The following UBN2 variants were observed in gnomAD, a reference collection of about 807,000 sequenced individuals.
UBN2 encodes the protein ubinuclein 2.
UBN2 carries 35 observed loss-of-function variants against 120.2 expected under a neutral mutation model. The observed-to-expected ratio is 0.29, with a 90% confidence interval of 0.22 to 0.39. UBN2 has a LOEUF of 0.39. Ranked by LOEUF, UBN2 falls within the 10% of genes least tolerant of loss-of-function variation. The pLI, the probability that UBN2 is intolerant of heterozygous loss-of-function variation, is 1.00. For synonymous variants in UBN2, 661 were observed against 648.7 expected, an observed-to-expected ratio of 1.02 and a Z score of -0.29; for missense variants, 1,693 against 1,663.2, an observed-to-expected ratio of 1.02 and a Z score of -0.31.
chr7:139,257,063 G>C (rs1209184720), intron 3 of UBN2, among the ~76,000 whole-genome samples: 1 of 152,150 alleles, frequency 6.6e-6, no homozygotes. Context: ...GAAGAACCTC[G>C]GAAGTAGAGG....
chr7:139,282,489 G>A (rs76912750), intron 14 of UBN2, among the ~76,000 whole-genome samples: 7,287 of 152,174 alleles, frequency 0.048, 307 homozygotes, highest in African/African-American at 0.11. Context: ...ATTTATTTAT[G>A]CTTGGATTGA....
At chr7:139,314,535 G>A in the UBN2 span, among the ~76,000 whole-genome samples, 2 of 152,098 alleles carry the variant, frequency 1.3e-5, no homozygotes, top group South Asian at 2.1e-4. Flanking sequence ...GCCCAGGCTG[G>A]ACTGCTATGG....
chr7:139,259,407 A>G (rs1479191365), intron 5 of UBN2, 37 bp downstream of exon 5: 1 of 1,608,122 alleles, frequency 6.2e-7, no homozygotes, highest in African/African-American at 1.3e-5. Flanking sequence ...AACTGGCGTC[A>G]CAGTCTGACT....
At chr7:139,275,499 C>T (rs1367888798) in intron 11 of UBN2, among the ~76,000 whole-genome samples, 5 of 151,370 alleles carry the variant, frequency 3.3e-5, no homozygotes, top group East Asian at 1.9e-4. Flanking sequence ...AGGAGAATGG[C>T]GTGAACCTGG....
At chr7:139,281,402 A>G (rs763741052) in intron 13 of UBN2, among the ~76,000 whole-genome samples, 12 of 152,322 alleles carry the variant, frequency 7.9e-5, no homozygotes, top group South Asian at 4.1e-4. Context: ...AAAAGTATCT[A>G]TAAATTTCTC....
intron 14 of UBN2, 33 bp from the exon 15 acceptor site, chr7:139,282,991 T>A: frequency 2.1e-6 from 3 of 1,435,446 alleles, no homozygotes; most frequent in Non-Finnish European, 2.8e-6. Context: ...TATTCACCAT[T>A]TCTATTTTTT....
chr7:139,315,197 G>C, the UBN2 span: 12 of 151,066 alleles, frequency 7.9e-5, no homozygotes, highest in African/African-American at 2.7e-4. Flanking sequence ...GGATGGTCTC[G>C]ATCTCCTGAC....
intron 2 of UBN2, among the ~76,000 whole-genome samples, chr7:139,240,082 CT>C (rs1435094725): frequency 6.6e-6 from 1 of 152,126 alleles, no homozygotes; most frequent in African/African-American, 2.4e-5. Flanking sequence ...TTTCAATTGA[CT>C]TAGATATATT....
chr7:139,234,866 C>G (rs753932913), intron 1 of UBN2, among the ~76,000 whole-genome samples: 1 of 152,008 alleles, frequency 6.6e-6, no homozygotes, highest in African/African-American at 2.4e-5. Flanking sequence ...TGTGAAAGAC[C>G]TCCTGAAAAT....
At chr7:139,329,351 G>C in the UBN2 span, among the ~76,000 whole-genome samples, 2 of 151,832 alleles carry the variant, frequency 1.3e-5, no homozygotes, top group African/African-American at 4.9e-5. Context: ...TTGCTTATCT[G>C]CTGAGACAGC....
chr7:139,239,390 G>A (rs566557787), intron 2 of UBN2, among the ~76,000 whole-genome samples: 2 of 152,002 alleles, frequency 1.3e-5, no homozygotes, highest in East Asian at 3.9e-4. Context: ...TAGTGCTGCA[G>A]TAAATTAGTC....
intron 12 of UBN2, chr7:139,276,386 G>A (rs1797443291): frequency 4.1e-6 from 2 of 488,144 alleles, no homozygotes; most frequent in Admixed American, 7.2e-5. Context: ...AGGGAAGCAT[G>A]AAGGCTCAGG....
chr7:139,268,302 T>C (rs931326750), intron 7 of UBN2, among the ~76,000 whole-genome samples: 3 of 152,158 alleles, frequency 2.0e-5, no homozygotes, highest in East Asian at 3.8e-4. Context: ...ATTTTTTTTT[T>C]CCCTTTTAGT....
At chr7:139,291,287 G>T (rs1797948150) in intron 15 of UBN2, among the ~76,000 whole-genome samples, 1 of 150,786 alleles carries the variant, frequency 6.6e-6, no homozygotes, top group Admixed American at 6.6e-5. Flanking sequence ...CTTGAACCCA[G>T]GAGGTGGAGG....
chr7:139,297,063 G>A (rs1042674233), intron 17 of UBN2, among the ~76,000 whole-genome samples: 1 of 151,954 alleles, frequency 6.6e-6, no homozygotes, highest in East Asian at 1.9e-4. Context: ...GCATGGTGGT[G>A]TGCGCCTGTA....
the UBN2 span, among the ~76,000 whole-genome samples, chr7:139,329,107 G>T: frequency 6.6e-6 from 1 of 151,558 alleles, no homozygotes; most frequent in Non-Finnish European, 1.5e-5. Flanking sequence ...TAAACTTCAA[G>T]GCCAAGGACA....
rs1798365644 is a variant in UBN2, at chr7:139,306,748, C to G, written c.*8912C>G. ...AGAGTATGTAAATCTGGGGCTTGCC[C>G]TTGGATTTCACTTGTTAAACACCCT... On this transcript the variant is annotated 3_prime_UTR_variant, in exon 18 of 18. Coordinates refer to ENST00000473989, the MANE Select transcript of UBN2 (RefSeq NM_173569.4). 1 of 152,182 alleles carries G rather than the reference C, an allele frequency of 6.6e-6. No homozygotes were observed. Among genetic ancestry groups the G allele is most frequent in the Non-Finnish European group, 1.5e-5 (1 of 68,032 alleles). The allele number at this position is 152,182 out of a possible 1,614,324, so 9.4% of individuals were successfully genotyped here. A position where few individuals can be genotyped will look rare whatever the true frequency, so the allele number is the denominator to read the frequency against.
chr7:139,320,418 G>A, the UBN2 span, among the ~76,000 whole-genome samples: 10 of 151,760 alleles, frequency 6.6e-5, no homozygotes, highest in South Asian at 4.1e-4. Context: ...CTGAGATCAC[G>A]ATACTGCACT....
intron 8 of UBN2, among the ~76,000 whole-genome samples, chr7:139,270,008 CTG>C (rs1310123742): frequency 6.6e-6 from 1 of 152,088 alleles, no homozygotes; most frequent in Non-Finnish European, 1.5e-5. Context: ...CAGGGTCTCA[CTG>C]TGTTGCCGAG....
Sources: gnomAD v4.1 joint callset for allele counts (sites outside exome capture counted in the v4.1 genomes callset) on GRCh38, gnomAD v4.1.1 for gene constraint, MANE v1.5 for transcripts, NCBI Gene and HGNC (gene_info 2026-07-23, HGNC 2026-07-21) for gene names.